Variants in ADAMTS12 observed in about 807,000 individuals in gnomAD.
ADAMTS12 encodes ADAM metallopeptidase with thrombospondin type 1 motif 12.
ADAMTS12 carries 118 observed loss-of-function variants against 167.8 expected under a neutral mutation model. The observed-to-expected ratio is 0.70, with a 90% CI of 0.61 to 0.82. ADAMTS12 has a LOEUF of 0.82. Ranked by LOEUF, ADAMTS12 falls within the 40% of genes least tolerant of loss-of-function variation. The pLI is 0.00. For missense variants in ADAMTS12, 1,916 were observed against 1,998.8 expected (o/e 0.96, Z 0.79); for synonymous variants, 704 against 716.9 (o/e 0.98, Z 0.29).
Position 33,527,357 on chromosome 5 carries a change from C to T in ADAMTS12, c.4616G>A (p.Cys1539Tyr), listed in dbSNP as rs1399219152. ...QACKKSADLL[C>Y]TKDKLSASFC... ...ACTGGCTGACAGTTTGTCCTTAGTG[C>T]AAAGTAAATCTGTGGAAGGAGAAAA... The change falls in exon 24 of 24, where the codon TGC becomes TAC. Residue 1539 changes from cysteine (C) to tyrosine (Y), a missense_variant. Cys to Tyr is a radical substitution (Grantham distance 194). Transcript: ENST00000504830. The T allele has an allele frequency of 4.3e-6, 7 of 1,613,156 alleles. No homozygotes were observed. The highest frequency in any genetic ancestry group is 5.9e-6 in the Non-Finnish European group (7 of 1,179,690).
chr5:33,567,599 G>T (rs1169943392), intron 19 of ADAMTS12, among the ~76,000 whole-genome samples: 1 of 152,124 alleles, frequency 6.6e-6, no homozygotes, highest in Non-Finnish European at 1.5e-5. Context: ...TGCCTTTGGG[G>T]GAATCCGAAC....
chr5:33,753,122 C>T (rs563670061), intron 2 of ADAMTS12, among the ~76,000 whole-genome samples: 19 of 152,298 alleles, frequency 1.2e-4, no homozygotes, highest in South Asian at 2.1e-4. Flanking sequence ...AAGGGGGCAA[C>T]GCCTACTACC....
intron 2 of ADAMTS12, among the ~76,000 whole-genome samples, chr5:33,764,378 C>A (rs1745459428): frequency 6.6e-6 from 1 of 152,156 alleles, no homozygotes; most frequent in Admixed American, 6.5e-5. Context: ...TTATCATGTG[C>A]CACTAAGATT....
intron 2 of ADAMTS12, among the ~76,000 whole-genome samples, chr5:33,849,481 CAGCAATATATATATATGTATTGCAT>C (rs1561306819): frequency 5.5e-4 from 28 of 51,268 alleles, no homozygotes; most frequent in South Asian, 1.5e-3. Flanking sequence ...ATGTATTGCA[CAGCAATATATATATATGTATTGCAT>C]AGCAATATAT....
intron 3 of ADAMTS12, among the ~76,000 whole-genome samples, chr5:33,721,656 C>A (rs1168032529): frequency 2.6e-5 from 4 of 152,226 alleles, no homozygotes; most frequent in Non-Finnish European, 5.9e-5. Flanking sequence ...CAAACGCTTG[C>A]CCCGAGCCTT....
At chr5:33,853,606 A>C (rs1035445049) in intron 2 of ADAMTS12, among the ~76,000 whole-genome samples, 1 of 152,176 alleles carries the variant, frequency 6.6e-6, no homozygotes, top group African/African-American at 2.4e-5. Context: ...ACATTGTCTA[A>C]GATTCCTCTT....
At position 33,623,504 on chromosome 5, in the gene ADAMTS12, G is replaced by T. The variant is rs534566075; in HGVS notation, c.2143+727C>A. Among the ~76,000 whole-genome samples, 8 of 152,234 alleles carry T rather than the reference G, an allele frequency of 5.3e-5. No individual in the cohort carries two copies. In the East Asian group the frequency reaches 1.5e-3, roughly 29 times the overall value. On this transcript the variant is annotated intron_variant, in intron 14 of 23. Transcript: ENST00000504830. ...TCCTTGGGAACTGACTCTTCCTTGG[G>T]GTCCACCCTTGAAGGTGAACTCTTC...
At chr5:33,766,347 T>C (rs899107402) in intron 2 of ADAMTS12, among the ~76,000 whole-genome samples, 36 of 152,100 alleles carry the variant, frequency 2.4e-4, no homozygotes, top group Non-Finnish European at 5.1e-4. Context: ...GAGAAAAACA[T>C]TGGACAAATC....
rs188539517 is a variant in ADAMTS12, at chr5:33,588,495, T to G, written c.2865+104A>C. On this transcript the variant is annotated intron_variant, in intron 18 of 23. Coordinates refer to ENST00000504830, the MANE Select transcript of ADAMTS12 (RefSeq NM_030955.4). ...GCCAGGGGTGATGAACACTGGCTAT[T>G]TTGCAATTTTACCTAGGGTCACTTT... 2.3e-4 allele frequency: 312 copies of G among 1,381,864 alleles called. 1 individual carries two copies. In the East Asian group the frequency reaches 6.7e-3, roughly 30 times the overall value. 85.6% of individuals were successfully genotyped at this position (1,381,864 alleles called of 1,614,324 possible). A position where few individuals can be genotyped will look rare whatever the true frequency, so the allele number is the denominator to read the frequency against.
intron 13 of ADAMTS12, among the ~76,000 whole-genome samples, chr5:33,629,095 T>C (rs946100182): frequency 6.6e-6 from 1 of 152,200 alleles, no homozygotes; most frequent in African/African-American, 2.4e-5. Flanking sequence ...GCATTGATGT[T>C]TTAAAATCTC....
chr5:33,563,670 C>T (rs1745858209), intron 19 of ADAMTS12, among the ~76,000 whole-genome samples: 1 of 152,064 alleles, frequency 6.6e-6, no homozygotes. Context: ...ACTGACTGGC[C>T]CAAGGGATCT....
intron 5 of ADAMTS12, among the ~76,000 whole-genome samples, chr5:33,671,621 G>A (rs1004015046): frequency 1.3e-5 from 2 of 152,180 alleles, no homozygotes; most frequent in Non-Finnish European, 1.5e-5. Flanking sequence ...GATTATATGT[G>A]AGAACTCATA....
chr5:33,762,275 G>A (rs992952721), intron 2 of ADAMTS12, among the ~76,000 whole-genome samples: 1 of 151,860 alleles, frequency 6.6e-6, no homozygotes, highest in African/African-American at 2.4e-5. Context: ...TTGGGAGGCC[G>A]AGGCGGGTGG....
intron 5 of ADAMTS12, among the ~76,000 whole-genome samples, chr5:33,675,912 G>C (rs1224573047): frequency 6.6e-6 from 1 of 152,146 alleles, no homozygotes; most frequent in Non-Finnish European, 1.5e-5. Flanking sequence ...GAGAGACTAT[G>C]ATGGCTCACA....
chr5:33,668,563 G>C (rs1475491449), intron 5 of ADAMTS12, among the ~76,000 whole-genome samples: 1 of 152,084 alleles, frequency 6.6e-6, no homozygotes, highest in African/African-American at 2.4e-5. Context: ...GAGTGCAGTA[G>C]CACAATCCTC....
chr5:33,889,947 G>A (rs1349895356), intron 1 of ADAMTS12, among the ~76,000 whole-genome samples: 2 of 152,098 alleles, frequency 1.3e-5, no homozygotes, highest in African/African-American at 4.8e-5. Flanking sequence ...GCAAGACTCA[G>A]CCTCGAAAAA....
chr5:33,596,326 A>G (rs1737870928), intron 16 of ADAMTS12, among the ~76,000 whole-genome samples: 1 of 152,214 alleles, frequency 6.6e-6, no homozygotes, highest in Admixed American at 6.5e-5. Context: ...CATAGATTAC[A>G]GTCCAGCCAT....
chr5:33,781,418 T>C (rs1278961565), intron 2 of ADAMTS12, among the ~76,000 whole-genome samples: 1 of 152,174 alleles, frequency 6.6e-6, no homozygotes, highest in Admixed American at 6.5e-5. Context: ...TGATTCAGAA[T>C]ATGTGGATGT....
At chr5:33,530,937 A>T (rs988929232) in intron 23 of ADAMTS12, among the ~76,000 whole-genome samples, 2 of 152,224 alleles carry the variant, frequency 1.3e-5, no homozygotes, top group Non-Finnish European at 2.9e-5. Context: ...TGGAAATAAG[A>T]TCTTGGCAGA....
Sources: allele counts gnomAD v4.1 joint callset (sites outside exome capture counted in the v4.1 genomes callset), GRCh38; gene constraint gnomAD v4.1.1; transcripts MANE v1.5; gene names NCBI Gene and HGNC (gene_info 2026-07-23, HGNC 2026-07-21).